MAST4: variants seen among roughly 807,000 people sequenced by gnomAD.
MAST4 encodes the protein microtubule-associated serine/threonine-protein kinase 4.
A neutral mutation model predicts 162.7 loss-of-function variants in MAST4; 89 were observed. The ratio of observed to expected loss-of-function variants is 0.55; its 90% CI spans 0.46 to 0.65. The LOEUF (loss-of-function observed/expected upper bound fraction) is 0.65. Ranked by LOEUF, MAST4 falls within the 30% of genes least tolerant of loss-of-function variation. MAST4 has a pLI of 0.00. For synonymous variants in MAST4, 1,479 were observed against 1,361.1 expected (o/e 1.09, Z -1.91); for missense variants, 3,153 against 3,374.0 (o/e 0.93, Z 1.62).
At chr5:66,845,553 T>C (rs984973311) in intron 3 of MAST4, among the ~76,000 whole-genome samples, 3 of 152,144 alleles carry the variant, frequency 2.0e-5, no homozygotes, top group African/African-American at 7.2e-5. Flanking sequence ...TTTGCTATTG[T>C]GAATAGTGCC....
intron 2 of MAST4, among the ~76,000 whole-genome samples, chr5:66,766,291 G>A (rs1016753511): frequency 2.0e-5 from 3 of 152,050 alleles, no homozygotes; most frequent in Admixed American, 6.6e-5. Context: ...CCCCCCAAAT[G>A]TTTGGGTTGG....
Position 67,163,833 on chromosome 5 carries a change from C to G in MAST4, c.4654C>G (p.Gln1552Glu). The stretch of plus-strand genomic sequence containing the variant: ...CTTCCCAGAGAAACAGGAATCCCAC[C>G]AGAAATCCCATGGACCCGGGAGTGA... ...DGFPEKQESH[Q>E]KSHGPGSDLE... The change falls in exon 29 of 29, where the codon CAG (glutamine) becomes GAG (glutamate). Residue 1552 changes from glutamine to glutamate, a missense_variant. This residue lies in a region of MAST4 where 1,644 missense variants were observed against 1,495.0 expected (regional missense o/e 1.10). Transcript: ENST00000403625. This position sits in a 1 kb window ranked among gnomAD's most constrained non-coding sequence, Gnocchi z 7.0. The G allele has an allele frequency of 6.2e-7, 1 of 1,613,472 alleles. No homozygotes were observed. Among genetic ancestry groups the G allele is most frequent in the Non-Finnish European group, 8.5e-7 (1 of 1,179,674 alleles).
At chr5:66,947,590 T>C (rs1465147988) in intron 4 of MAST4, among the ~76,000 whole-genome samples, 1 of 152,166 alleles carries the variant, frequency 6.6e-6, no homozygotes, top group Non-Finnish European at 1.5e-5. Context: ...CTGTGCAGCC[T>C]CTTTCTAGAA....
At chr5:66,765,502 T>C (rs1234464107) in intron 2 of MAST4, among the ~76,000 whole-genome samples, 4 of 152,160 alleles carry the variant, frequency 2.6e-5, no homozygotes, top group African/African-American at 7.2e-5. Flanking sequence ...AATATTTATG[T>C]TTTTTCCGAA....
chr5:66,653,879 G>A (rs1746383890), intron 1 of MAST4, among the ~76,000 whole-genome samples: 1 of 152,126 alleles, frequency 6.6e-6, no homozygotes, highest in African/African-American at 2.4e-5. Flanking sequence ...CTTCAATAAA[G>A]TTGTAAGTTC....
chr5:66,752,635 A>C (rs1247705905), intron 1 of MAST4, among the ~76,000 whole-genome samples: 3 of 149,268 alleles, frequency 2.0e-5, no homozygotes, highest in Admixed American at 1.3e-4. Context: ...GAGCATCCAG[A>C]TTCATAAAGC....
intron 3 of MAST4, among the ~76,000 whole-genome samples, chr5:66,887,648 A>C (rs1023995673): frequency 2.0e-5 from 3 of 152,164 alleles, no homozygotes; most frequent in Non-Finnish European, 4.4e-5. Context: ...CCTAATACTC[A>C]ATTTCCCCAT....
At chr5:67,078,085 G>T (rs1373426365) in intron 5 of MAST4, among the ~76,000 whole-genome samples, 5 of 152,002 alleles carry the variant, frequency 3.3e-5, no homozygotes, top group Non-Finnish European at 7.4e-5. Flanking sequence ...GGCAACGAGG[G>T]CAAAACTCTT....
intron 2 of MAST4, among the ~76,000 whole-genome samples, chr5:66,775,137 T>C (rs1190796309): frequency 6.6e-6 from 1 of 152,114 alleles, no homozygotes; most frequent in Non-Finnish European, 1.5e-5. Flanking sequence ...TCTGTGTGCA[T>C]ATGCCCTGTT....
At chr5:66,667,809 G>A (rs1356896773) in intron 1 of MAST4, among the ~76,000 whole-genome samples, 1 of 152,054 alleles carries the variant, frequency 6.6e-6, no homozygotes, top group Non-Finnish European at 1.5e-5. Context: ...TTGTTCTTCA[G>A]CAAGTGGTGA....
At chr5:66,662,861 T>C (rs1374690806) in intron 1 of MAST4, 1 of 152,140 alleles carries the variant, frequency 6.6e-6, no homozygotes, top group African/African-American at 2.4e-5. Flanking sequence ...TTGTTTTGTT[T>C]TGAGACAGAG....
chr5:66,944,567 T>C (rs945130221), intron 4 of MAST4, among the ~76,000 whole-genome samples: 2 of 152,132 alleles, frequency 1.3e-5, no homozygotes, highest in African/African-American at 4.8e-5. Flanking sequence ...TATTTTTCTT[T>C]TTCGCTTTCT....
At chr5:67,035,443 G>C (rs1000330774) in intron 4 of MAST4, among the ~76,000 whole-genome samples, 1 of 152,142 alleles carries the variant, frequency 6.6e-6, no homozygotes, top group African/African-American at 2.4e-5. Flanking sequence ...GAGTAAGTTA[G>C]GGCTGGCTGG....
chr5:66,868,332 A>C (rs36140), intron 3 of MAST4, among the ~76,000 whole-genome samples: 79,846 of 151,620 alleles, frequency 0.53, 22,744 homozygotes, highest in Non-Finnish European at 0.64. Flanking sequence ...ATTCTTCTCA[A>C]AGGTTCCCCT....
At chr5:66,619,612 G>A (rs780425875) in intron 1 of MAST4, among the ~76,000 whole-genome samples, 16 of 152,064 alleles carry the variant, frequency 1.1e-4, no homozygotes, top group Middle Eastern at 3.4e-3. Flanking sequence ...TCCCTCCACC[G>A]AGTCAATATG....
At chr5:66,624,146 G>GTTTT (rs200030700) in intron 1 of MAST4, among the ~76,000 whole-genome samples, 7,930 of 89,546 alleles carry the variant, frequency 0.089, 1,383 homozygotes, top group East Asian at 0.14. Context: ...TTGTTAAAAT[G>GTTTT]TTTTTTTTTT....
At chr5:66,952,511 A>G (rs1744824120) in intron 4 of MAST4, among the ~76,000 whole-genome samples, 1 of 152,166 alleles carries the variant, frequency 6.6e-6, no homozygotes, top group African/African-American at 2.4e-5. Flanking sequence ...CATATAGAAC[A>G]TAAATCTGAT....
At chr5:66,906,563 A>G (rs990563801) in intron 4 of MAST4, among the ~76,000 whole-genome samples, 12 of 152,132 alleles carry the variant, frequency 7.9e-5, no homozygotes, top group African/African-American at 2.9e-4. Flanking sequence ...CACATGTCAA[A>G]CATTCCAGTA....
At chr5:66,913,339 C>A (rs1340156208) in intron 4 of MAST4, among the ~76,000 whole-genome samples, 1 of 151,822 alleles carries the variant, frequency 6.6e-6, no homozygotes, top group Admixed American at 6.6e-5. Context: ...AATTAGTTTA[C>A]ATTTTTTAAA....
Sources: gnomAD v4.1 joint callset for allele counts (sites outside exome capture counted in the v4.1 genomes callset) on GRCh38, gnomAD v4.1.1 for gene constraint, gnomAD v4.1.1 regional missense constraint, Gnocchi (gnomAD v3.1) non-coding constraint, MANE v1.5 for transcripts, NCBI Gene and HGNC (gene_info 2026-07-23, HGNC 2026-07-21) for gene names.